HTR2A: variants seen among roughly 807,000 people sequenced by gnomAD.
HTR2A encodes the protein 5-hydroxytryptamine receptor 2A, also known as 5-HT2 receptor.
A neutral mutation model predicts 31.0 loss-of-function variants in HTR2A; 14 were observed. That is an observed-to-expected ratio of 0.45 (90% CI 0.30 to 0.71). The LOEUF (loss-of-function observed/expected upper bound fraction) is 0.71. HTR2A is among the 30% of genes least tolerant of loss of function. HTR2A has a pLI of 0.09. For synonymous variants in HTR2A, 209 were observed against 225.2 expected, an observed-to-expected ratio of 0.93 and a Z score of 0.64; for missense variants, 442 against 573.3, an observed-to-expected ratio of 0.77 and a Z score of 2.34.
In HTR2A at chr13:46,834,962, T is replaced by G. The variant is rs1170479111; in HGVS notation, c.1291A>C (p.Asn431His). The change falls in exon 4 of 4, where the codon AAT becomes CAT. Residue 431 changes from asparagine (N) to histidine (H), a missense_variant. This residue lies in a region of HTR2A where 88 missense variants were observed against 83.1 expected (regional missense o/e 1.06). Transcript: ENST00000542664. Reference protein sequence around the residue: ...SSQLQMGQKKNSKQDAKTTDN... With the variant: ...SSQLQMGQKKHSKQDAKTTDN... Reference sequence around the variant, plus strand: ...GTTGTCTTGGCATCTTGCTTTGAATTCTTTTTTTGTCCCATTTGAAGTTGG... The same window carrying G: ...GTTGTCTTGGCATCTTGCTTTGAATGCTTTTTTTGTCCCATTTGAAGTTGG... 5.0e-6 allele frequency: 8 copies of G among 1,614,150 alleles called. No homozygotes were observed. The highest frequency in any genetic ancestry group is 1.7e-5 in the Admixed American group (1 of 60,020).
At position 46,896,894 on chromosome 13, in the gene HTR2A, G is replaced by C. The variant is rs36212792; in HGVS notation, c.-549C>G. The C allele has an allele frequency of 3.2e-5, 47 of 1,446,398 alleles. No individual in the cohort carries two copies. The East Asian group carries it at 1.1e-3, about 34-fold the overall frequency. The allele number at this position is 1,446,398 out of a possible 1,614,324, so 89.6% of individuals were successfully genotyped here. ...CTGTTGGCTTCCTCTGGCACGGCTC[G>C]GCTGGGTTCCTCCCTCCCTGTGCGG... On this transcript the variant is annotated 5_prime_UTR_variant, in exon 1 of 4. Transcript: ENST00000542664.
At chr13:46,847,208 G>T (rs1194007697) in intron 3 of HTR2A, among the ~76,000 whole-genome samples, 4 of 152,190 alleles carry the variant, frequency 2.6e-5, no homozygotes, top group African/African-American at 9.7e-5. Context: ...TGCTGTAATT[G>T]GGGCAGTGAG....
intron 3 of HTR2A, among the ~76,000 whole-genome samples, chr13:46,854,576 T>C (rs1329375516): frequency 2.0e-5 from 3 of 152,206 alleles, no homozygotes; most frequent in Admixed American, 2.0e-4. Context: ...ATAGTGACTT[T>C]GAGCCTATAT....
intron 3 of HTR2A, among the ~76,000 whole-genome samples, chr13:46,872,617 A>T (rs1755831421): frequency 6.6e-6 from 1 of 152,214 alleles, no homozygotes; most frequent in Admixed American, 6.5e-5. Flanking sequence ...GCTAACATTA[A>T]CAAGTGTACG....
intron 3 of HTR2A, among the ~76,000 whole-genome samples, chr13:46,849,722 C>A (rs1950667928): frequency 6.6e-6 from 1 of 152,208 alleles, no homozygotes; most frequent in Non-Finnish European, 1.5e-5. Context: ...GCCTTCCTCA[C>A]CCTGCCTGAG....
At chr13:46,838,983 C>T (rs1259255404) in intron 3 of HTR2A, among the ~76,000 whole-genome samples, 1 of 150,910 alleles carries the variant, frequency 6.6e-6, no homozygotes, top group East Asian at 1.9e-4. Context: ...CACATACACA[C>T]ACACACACAC....
At chr13:46,835,723 T>C in intron 3 of HTR2A, 84 bp from the exon 4 acceptor site, 1 of 1,008,152 alleles carries the variant, frequency 9.9e-7, no homozygotes, top group Non-Finnish European at 1.5e-6. Context: ...TATTGGCTAT[T>C]GAAAAGATTT....
rs768897319 is a variant in HTR2A, at chr13:46,835,180, A to G, written c.1073T>C (p.Ile358Thr). The G allele has an allele frequency of 1.4e-5, 23 of 1,614,106 alleles. No homozygotes were observed. The highest frequency in any genetic ancestry group is 2.2e-5 in the East Asian group (1 of 44,884). Residue 358 changes from isoleucine to threonine, a missense_variant, in exon 4 of 4, where the codon ATT becomes ACT. By Grantham distance (89) the Ile-to-Thr change is moderately conservative (BLOSUM62 -1). Around this residue, in one of 5 missense-constraint regions of HTR2A, gnomAD observed 174 missense variants for 195.1 expected, o/e 0.89. Coordinates refer to ENST00000542664, the MANE Select transcript of HTR2A (RefSeq NM_000621.5). ...ICKESCNEDV[I>T]GALLNVFVWI... is the part of the protein sequence containing the mutation. The stretch of plus-strand genomic sequence containing the variant: ...AACAAACACATTGAGCAGGGCCCCA[A>G]TGACATCCTCATTGCAGGACTCTTT...
At chr13:46,883,364 G>C (rs1950982628) in intron 3 of HTR2A, among the ~76,000 whole-genome samples, 1 of 151,682 alleles carries the variant, frequency 6.6e-6, no homozygotes, top group African/African-American at 2.4e-5. Flanking sequence ...TAATAATGCA[G>C]AAAATACATG....
rs1438875647 is a variant in HTR2A, at chr13:46,896,855, G to A, written c.-510C>T. 4 of 1,535,292 alleles carry A rather than the reference G, an allele frequency of 2.6e-6. No individual in the cohort carries two copies. The highest frequency in any genetic ancestry group is 1.7e-4 in the Middle Eastern group (1 of 5,988). Reference sequence around the variant, plus strand: ...GCATGCAAGAGCTGAGCCAGCTCCCGCACTGCTAGGATCCTGTTGGCTTCC... The same window carrying A: ...GCATGCAAGAGCTGAGCCAGCTCCCACACTGCTAGGATCCTGTTGGCTTCC... On this transcript the variant is annotated 5_prime_UTR_variant, in exon 1 of 4. Coordinates refer to ENST00000542664, the MANE Select transcript of HTR2A (RefSeq NM_000621.5).
intron 3 of HTR2A, among the ~76,000 whole-genome samples, chr13:46,882,357 TA>T (rs1373053982): frequency 6.6e-6 from 1 of 152,128 alleles, no homozygotes; most frequent in Non-Finnish European, 1.5e-5. Context: ...TGGAATGCAG[TA>T]GATGGCAAAG....
chr13:46,849,430 A>T (rs7330461), intron 3 of HTR2A, among the ~76,000 whole-genome samples: 58,606 of 151,896 alleles, frequency 0.39, 12,443 homozygotes, highest in African/African-American at 0.55. Flanking sequence ...GAGACCCCGC[A>T]CTGCACTGAG....
intron 3 of HTR2A, among the ~76,000 whole-genome samples, chr13:46,872,808 G>C (rs1314581243): frequency 6.6e-6 from 1 of 152,180 alleles, no homozygotes; most frequent in African/African-American, 2.4e-5. Flanking sequence ...GCTTCTCAGA[G>C]TGTCCCAATT....
rs60134726 is a variant in HTR2A at position 46,887,422 on chromosome 13, CAA to C, written c.613+4966_613+4967del. On this transcript the variant is annotated intron_variant, in intron 3 of 3. Coordinates refer to ENST00000542664, the MANE Select transcript of HTR2A (RefSeq NM_000621.5). ...GGGGCGACAGAGTGAGACTCTGTCT[CAA>C]AAAAAAAAAAAAAAAATTATCAGGC... Among the ~76,000 whole-genome samples, 365 of 100,576 alleles carry C rather than the reference CAA, an allele frequency of 3.6e-3. 2 individuals are homozygous for C. Among genetic ancestry groups the C allele is most frequent in the Non-Finnish European group, 5.5e-3 (295 of 53,426 alleles). The allele number at this position is 100,576 out of a possible 152,430, so 66.0% of individuals were successfully genotyped here.
Position 46,884,039 on chromosome 13 carries a change from G to A in HTR2A, c.613+8351C>T, listed in dbSNP as rs537493852. On this transcript the variant is annotated intron_variant, in intron 3 of 3. Coordinates refer to ENST00000542664, the MANE Select transcript of HTR2A (RefSeq NM_000621.5). ...GATGTGGTTACCGAGGTGAAAATGTGTCAGATCCTTGCTAACTTTGAAAGT... is the reference window on the plus strand; with the variant it reads ...GATGTGGTTACCGAGGTGAAAATGTATCAGATCCTTGCTAACTTTGAAAGT... Among the ~76,000 whole-genome samples, 6 of 152,340 alleles carry A rather than the reference G, an allele frequency of 3.9e-5. No individual in the cohort carries two copies. The South Asian group carries it at 1.0e-3, about 26-fold the overall frequency.
intron 3 of HTR2A, among the ~76,000 whole-genome samples, chr13:46,868,157 T>C (rs1349730790): frequency 6.6e-6 from 1 of 152,228 alleles, no homozygotes; most frequent in Non-Finnish European, 1.5e-5. Context: ...GGAATACCTT[T>C]TCCCTAGAAA....
chr13:46,876,896 T>C (rs1950918273), intron 3 of HTR2A, among the ~76,000 whole-genome samples: 1 of 152,150 alleles, frequency 6.6e-6, no homozygotes, highest in African/African-American at 2.4e-5. Flanking sequence ...GATTCTCTTA[T>C]CAGGAAGGTG....
At chr13:46,844,564 A>T (rs1425451282) in intron 3 of HTR2A, among the ~76,000 whole-genome samples, 1 of 152,230 alleles carries the variant, frequency 6.6e-6, no homozygotes, top group South Asian at 2.1e-4. Context: ...GCTGTAGAAC[A>T]TGGTGCCTAG....
intron 3 of HTR2A, among the ~76,000 whole-genome samples, chr13:46,887,845 A>G (rs1951019602): frequency 6.6e-6 from 1 of 151,028 alleles, no homozygotes; most frequent in Admixed American, 6.6e-5. Context: ...GTTCTCACTA[A>G]TATGTGGGAG....
Sources: allele counts gnomAD v4.1 joint callset (sites outside exome capture counted in the v4.1 genomes callset), GRCh38; gene constraint gnomAD v4.1.1; regional missense constraint gnomAD v4.1.1; transcripts MANE v1.5; gene names NCBI Gene and HGNC (gene_info 2026-07-23, HGNC 2026-07-21).